The following ZSCAN5B variants were observed in gnomAD, a reference collection of about 807,000 sequenced individuals.
The protein encoded by ZSCAN5B is zinc finger and SCAN domain containing 5B.
In ZSCAN5B, 26 loss-of-function variants were observed where a neutral mutation model predicts 25.2. The ratio of observed to expected loss-of-function variants is 1.03; its 90% CI spans 0.76 to 1.43. The LOEUF is 1.43. ZSCAN5B is among the 40% of genes most tolerant of loss of function. ZSCAN5B has a pLI of 0.00. For missense variants in ZSCAN5B, 745 were observed against 622.1 expected (o/e 1.20, Z -2.10); for synonymous variants, 244 against 240.9 (o/e 1.01, Z -0.12).
exon 5 of ZSCAN5B, chr19:56,190,159 C>T (rs754455296): frequency 6.2e-7 from 1 of 1,614,012 alleles, no homozygotes; most frequent in East Asian, 2.2e-5. Flanking sequence ...CGACAGAGAT[C>T]ACATTGAAAG....
chr19:56,191,935 G>A (rs1289124402), exon 3 of ZSCAN5B: 1 of 1,614,090 alleles, frequency 6.2e-7, no homozygotes, highest in South Asian at 1.1e-5. Flanking sequence ...CTGGTTCACA[G>A]AGGAGGCCCA....
At chr19:56,197,607 G>C in intron 1 of ZSCAN5B, 127 bp downstream of exon 1, 2 of 345,748 alleles carry the variant, frequency 5.8e-6, no homozygotes, top group Non-Finnish European at 8.2e-6. Context: ...GGGGTGCAAA[G>C]GAGACCCGCT....
At chr19:56,196,325 T>A (rs1342128165) in intron 1 of ZSCAN5B, among the ~76,000 whole-genome samples, 1 of 152,156 alleles carries the variant, frequency 6.6e-6, no homozygotes, top group African/African-American at 2.4e-5. Flanking sequence ...GTGCTGGGAT[T>A]ACAGGTGTGA....
At chr19:56,193,059 T>C (rs931207459) in exon 2 of ZSCAN5B, 12 of 1,538,624 alleles carry the variant, frequency 7.8e-6, no homozygotes, top group African/African-American at 1.4e-5. Flanking sequence ...CCATATCTAC[T>C]GGAGAATATT....
chr19:56,191,558 T>C (rs905569068), intron 3 of ZSCAN5B, among the ~76,000 whole-genome samples: 1 of 152,116 alleles, frequency 6.6e-6, no homozygotes, highest in South Asian at 2.1e-4. Flanking sequence ...CTGGATGGGG[T>C]AGGGACCTTC....
exon 5 of ZSCAN5B, chr19:56,190,280 A>C (rs192204188): frequency 6.2e-7 from 1 of 1,614,210 alleles, no homozygotes; most frequent in Non-Finnish European, 8.5e-7. Context: ...CTTCTTGGCC[A>C]TCTGGGTGAC....
At chr19:56,194,020 T>C (rs1037301014) in intron 1 of ZSCAN5B, among the ~76,000 whole-genome samples, 6 of 151,488 alleles carry the variant, frequency 4.0e-5, no homozygotes, top group Non-Finnish European at 7.4e-5. Context: ...GTTGTTTCGG[T>C]AAAACACACA....
exon 5 of ZSCAN5B, chr19:56,190,105 C>T (rs775684875): frequency 6.2e-7 from 1 of 1,613,956 alleles, no homozygotes; most frequent in South Asian, 1.1e-5. Context: ...CCAGTGTGGA[C>T]TCGCTGGTGA....
Position 56,189,939 on chromosome 19 carries a change from C to A in ZSCAN5B, c.1376G>T (p.Arg459Leu), listed in dbSNP as rs775303355. The A allele has an allele frequency of 7.4e-6, 12 of 1,613,856 alleles. No homozygotes were observed. In the South Asian group the frequency reaches 1.3e-4, roughly 18 times the overall value. Residue 459 changes from arginine to leucine, a missense_variant, in exon 5 of 5, where the codon CGC becomes CTC. Coordinates refer to ENST00000586855, the Ensembl canonical transcript of ZSCAN5B. ...GTAGGGCTTCTCTCCGGAGTGGGTG[C>A]GCTGGTGAACGTTCAGGTTCCCCTT...
chr19:56,190,741 T>C (rs1022184208), intron 4 of ZSCAN5B, 96 bp downstream of exon 4: 2 of 1,545,440 alleles, frequency 1.3e-6, no homozygotes, highest in Non-Finnish European at 1.7e-6. Context: ...TTTTGGCAGC[T>C]GATCGCCAGC....
chr19:56,194,480 G>C (rs899867994), intron 1 of ZSCAN5B, among the ~76,000 whole-genome samples: 4 of 152,160 alleles, frequency 2.6e-5, no homozygotes, highest in Non-Finnish European at 5.9e-5. Flanking sequence ...TTTTGTAATA[G>C]AGATGGGGTT....
chr19:56,193,831 G>A (rs556731473), intron 1 of ZSCAN5B, among the ~76,000 whole-genome samples: 3 of 152,112 alleles, frequency 2.0e-5, no homozygotes, highest in East Asian at 1.9e-4. Context: ...GCATGGTGGC[G>A]GGCGTCTGTA....
At chr19:56,195,581 G>A (rs1188234182) in intron 1 of ZSCAN5B, among the ~76,000 whole-genome samples, 4 of 151,940 alleles carry the variant, frequency 2.6e-5, no homozygotes, top group Non-Finnish European at 5.9e-5. Context: ...AAGCTCCTCA[G>A]AAAATTGAAA....
chr19:56,197,079 G>A (rs1177814523), intron 1 of ZSCAN5B, among the ~76,000 whole-genome samples: 5 of 152,066 alleles, frequency 3.3e-5, no homozygotes, highest in East Asian at 1.9e-4. Flanking sequence ...GGAGTTCCAG[G>A]CCAGCCTGGG....
intron 1 of ZSCAN5B, among the ~76,000 whole-genome samples, chr19:56,194,027 C>T (rs1230812989): frequency 6.6e-6 from 1 of 151,634 alleles, no homozygotes; most frequent in Non-Finnish European, 1.5e-5. Context: ...CGGTAAAACA[C>T]ACATTTATGA....
exon 2 of ZSCAN5B, chr19:56,193,122 A>G (rs1379645893): frequency 1.4e-6 from 2 of 1,439,262 alleles, no homozygotes; most frequent in East Asian, 5.0e-5. Context: ...ATTGAGACCT[A>G]TTTACACAGG....
chr19:56,189,917 G>C, exon 5 of ZSCAN5B: 1 of 1,613,998 alleles, frequency 6.2e-7, no homozygotes, highest in Non-Finnish European at 8.5e-7. Flanking sequence ...GACATTTGTA[G>C]GGCTTCTCTC....
chr19:56,191,120 C>T, intron 3 of ZSCAN5B, 133 bp from the exon 4 acceptor site: 23 of 1,217,036 alleles, frequency 1.9e-5, no homozygotes, highest in Non-Finnish European at 2.7e-5. Context: ...ACATCACCAC[C>T]TCATTTCTGC....
Position 56,193,104 on chromosome 19 carries a change from A to G in ZSCAN5B, c.-52T>C, listed in dbSNP as rs2032763325. 1.4e-5 allele frequency: 21 copies of G among 1,475,202 alleles called. No homozygotes were observed. The South Asian group carries it at 2.7e-4, about 19-fold the overall frequency. The allele number at this position is 1,475,202 out of a possible 1,614,324, so 91.4% of individuals were successfully genotyped here. On this transcript the variant is annotated 5_prime_UTR_variant, in exon 2 of 5. Transcript: ENST00000586855. Reference sequence around the variant, plus strand: ...CTCTGAGCAAGCTCTTCCAGTAGCCAGTATCAAATTGAGACCTATTTACAC... The same window carrying G: ...CTCTGAGCAAGCTCTTCCAGTAGCCGGTATCAAATTGAGACCTATTTACAC...
Sources: gnomAD v4.1 joint callset for allele counts (sites outside exome capture counted in the v4.1 genomes callset) on GRCh38, gnomAD v4.1.1 for gene constraint, MANE v1.5 for transcripts, NCBI Gene and HGNC (gene_info 2026-07-23, HGNC 2026-07-21) for gene names.